POTEM: variants seen among roughly 807,000 people sequenced by gnomAD.
POTEM encodes POTE ankyrin domain family member M, also known as putative POTE ankyrin domain family member M.
For synonymous variants in POTEM, 8 were observed against 113.2 expected (o/e 0.07, Z 5.90); for missense variants, 24 against 343.0 (o/e 0.07, Z 7.35).
In POTEM at chr14:19,003,583, CA is replaced by C. The variant is rs1891430127; in HGVS notation, c.*4919del. On this transcript the variant is annotated 3_prime_UTR_variant, in exon 11 of 11. Transcript: ENST00000547889. ...CTGAGGTTGTGGAGCTTCTCCCCTG[CA>C]GAGAGTCCCTGATCTCCCAAAATTT... Among the ~76,000 whole-genome samples the C allele has an allele frequency of 7.0e-6, 1 of 142,610 alleles. No homozygotes were observed. Among genetic ancestry groups the C allele is most frequent in the Admixed American group, 7.2e-5 (1 of 13,916 alleles). 93.6% of individuals were successfully genotyped at this position (142,610 alleles called of 152,430 possible). A position where few individuals can be genotyped will look rare whatever the true frequency, so the allele number is the denominator to read the frequency against.
intron 1 of POTEM, among the ~76,000 whole-genome samples, chr14:18,969,266 CATATGCAGAT>C (rs1890840548): frequency 2.4e-5 from 3 of 126,226 alleles, no homozygotes; most frequent in Non-Finnish European, 4.8e-5. Flanking sequence ...TGCCTATTTA[CATATGCAGAT>C]ATATATACAC....
intron 7 of POTEM, among the ~76,000 whole-genome samples, chr14:18,985,876 C>G (rs1372679649): frequency 7.2e-6 from 1 of 139,348 alleles, no homozygotes; most frequent in East Asian, 2.0e-4. Flanking sequence ...TACGCTCCAG[C>G]CTGGGTGACA....
intron 1 of POTEM, among the ~76,000 whole-genome samples, chr14:18,969,357 G>GTC (rs1284654181): frequency 9.5e-6 from 1 of 105,368 alleles, no homozygotes; most frequent in South Asian, 3.1e-4. Flanking sequence ...ATATACATGT[G>GTC]TATATATATA....
rs1447961101 is a variant in POTEM, at chr14:18,980,083, GTTAC to G, written c.1068_1071del (p.Leu356PhefsTer10). Reference sequence around the variant, plus strand: ...ACAATTTTATACATAGAATTTGCCAGTTACTTTCTGACTACAAAGAAAAACAGAT... The same window carrying G: ...ACAATTTTATACATAGAATTTGCCAGTTTCTGACTACAAAGAAAAACAGAT... On this transcript the variant is annotated frameshift_variant, in exon 6 of 11. Transcript: ENST00000547889. LOFTEE classifies it high-confidence loss of function. 2.3e-6 allele frequency: 1 copy of G among 444,166 alleles called. No homozygotes were observed. Among genetic ancestry groups the G allele is most frequent in the African/African-American group, 6.4e-5 (1 of 15,566 alleles). 27.5% of individuals were successfully genotyped at this position (444,166 alleles called of 1,614,324 possible).
At chr14:18,996,420 G>C (rs1215951984) in intron 9 of POTEM, among the ~76,000 whole-genome samples, 1 of 137,232 alleles carries the variant, frequency 7.3e-6, no homozygotes, top group African/African-American at 2.9e-5. Flanking sequence ...TCCCTGGCCT[G>C]TTAGGACCTG....
In POTEM at chr14:19,000,151, A is replaced by AGGC. The variant is rs1157717651; in HGVS notation, c.*1488_*1490dup. ...CAGGATTTAAAAACTGGAATGGTGA[A>AGGC]GGCGAGAGCAGTTGGTTGGAGTGAG... is the stretch of plus-strand genomic sequence containing the variant. On this transcript the variant is annotated 3_prime_UTR_variant, in exon 11 of 11. Transcript: ENST00000547889. Among the ~76,000 whole-genome samples the AGGC allele has an allele frequency of 1.0e-5, 1 of 98,216 alleles. No individual in the cohort carries two copies. The highest frequency in any genetic ancestry group is 5.3e-5 in the African/African-American group (1 of 19,022). 64.4% of individuals were successfully genotyped at this position (98,216 alleles called of 152,430 possible).
At chr14:18,969,344 T>A (rs1231804532) in intron 1 of POTEM, among the ~76,000 whole-genome samples, 2 of 108,700 alleles carry the variant, frequency 1.8e-5, no homozygotes, top group African/African-American at 9.8e-5. Context: ...CGTATATACA[T>A]ATATATACAT....
At chr14:18,981,558 CAG>C (rs1291456501) in intron 6 of POTEM, among the ~76,000 whole-genome samples, 1 of 150,604 alleles carries the variant, frequency 6.6e-6, no homozygotes, top group Non-Finnish European at 1.5e-5. Flanking sequence ...GGTAAGCATG[CAG>C]AGAGAGAAGA....
intron 9 of POTEM, among the ~76,000 whole-genome samples, chr14:18,993,164 TG>T (rs1487359076): frequency 1.4e-5 from 1 of 69,388 alleles, no homozygotes; most frequent in East Asian, 3.2e-4. Context: ...CACAAAGTGC[TG>T]GGTGGATTAC....
intron 1 of POTEM, among the ~76,000 whole-genome samples, chr14:18,968,918 C>T (rs1890830860): frequency 6.8e-6 from 1 of 147,282 alleles, no homozygotes; most frequent in South Asian, 2.1e-4. Context: ...CACATGCTGT[C>T]TTTTATTATT....
intron 1 of POTEM, among the ~76,000 whole-genome samples, chr14:18,969,357 G>GTA (rs201392796): frequency 0.17 from 17,181 of 103,860 alleles, 859 homozygotes; most frequent in African/African-American, 0.25. Context: ...ATATACATGT[G>GTA]TATATATATA....
intron 5 of POTEM, among the ~76,000 whole-genome samples, chr14:18,979,729 A>ACATTGAG (rs1566539978): frequency 4.7e-5 from 7 of 149,488 alleles, no homozygotes; most frequent in African/African-American, 1.7e-4. Flanking sequence ...GTTGAAGAAG[A>ACATTGAG]CATTGAGCCT....
chr14:18,984,600 AC>A (rs1891142812), intron 6 of POTEM, among the ~76,000 whole-genome samples: 1 of 102,496 alleles, frequency 9.8e-6, no homozygotes. Flanking sequence ...GGAAGGAGAT[AC>A]CTGTTTATTT....
At chr14:18,993,535 CAG>C (rs1177277761) in intron 9 of POTEM, among the ~76,000 whole-genome samples, 1 of 4,148 alleles carries the variant, frequency 2.4e-4, no homozygotes, top group Middle Eastern at 0.038. Flanking sequence ...CAACTTTAAA[CAG>C]AAATTTTCTG....
At chr14:18,968,426 G>C (rs1890814914) in intron 1 of POTEM, among the ~76,000 whole-genome samples, 1 of 152,260 alleles carries the variant, frequency 6.6e-6, no homozygotes, top group Admixed American at 6.5e-5. Flanking sequence ...TTATATCAAT[G>C]TACACTATGT....
intron 1 of POTEM, among the ~76,000 whole-genome samples, chr14:18,968,509 G>A (rs1309596364): frequency 6.6e-6 from 1 of 151,982 alleles, no homozygotes; most frequent in African/African-American, 2.4e-5. Flanking sequence ...TGAATAGGAA[G>A]ATTGAATTTT....
In POTEM at chr14:19,003,722, C is replaced by CT. The variant is rs1284707664; in HGVS notation, c.*5060dup. Among the ~76,000 whole-genome samples, 21 of 73,186 alleles carry CT rather than the reference C, an allele frequency of 2.9e-4. No individual in the cohort carries two copies. The highest frequency in any genetic ancestry group is 1.4e-3 in the African/African-American group (19 of 13,918). 48.0% of individuals were successfully genotyped at this position (73,186 alleles called of 152,430 possible). ...CATGACGATGGAGAGCAGGCATCTC[C>CT]TTTCCTGAGTTTCAGCTTGCTTCTG... On this transcript the variant is annotated 3_prime_UTR_variant, in exon 11 of 11. Coordinates refer to ENST00000547889, the MANE Select transcript of POTEM (RefSeq NM_001145442.1).
chr14:18,991,228 G>T lies in POTEM; in HGVS notation c.1409+2807G>T, dbSNP rs1321983543. Reference sequence around the variant, plus strand: ...GTATATATGCTAGTGATTTCCAAATGCATGTCTCCAACTCAGATCTCACTC... The same window carrying T: ...GTATATATGCTAGTGATTTCCAAATTCATGTCTCCAACTCAGATCTCACTC... On this transcript the variant is annotated intron_variant, in intron 9 of 10. Coordinates refer to ENST00000547889, the MANE Select transcript of POTEM (RefSeq NM_001145442.1). 9.7e-5 allele frequency among the ~76,000 whole-genome samples: 11 copies of T among 112,908 alleles called. 1 individual carries two copies. The highest frequency in any genetic ancestry group is 3.1e-4 in the African/African-American group (11 of 35,240). 74.1% of individuals were successfully genotyped at this position (112,908 alleles called of 152,430 possible).
chr14:18,969,307 GTATATATA>G (rs376582358), intron 1 of POTEM, among the ~76,000 whole-genome samples: 7 of 79,494 alleles, frequency 8.8e-5, no homozygotes, highest in Middle Eastern at 0.017. Context: ...ATGTATATAC[GTATATATA>G]TGTATATATA....
Sources: gnomAD v4.1 joint callset for allele counts (sites outside exome capture counted in the v4.1 genomes callset) on GRCh38, gnomAD v4.1.1 for gene constraint, MANE v1.5 for transcripts, NCBI Gene and HGNC (gene_info 2026-07-23, HGNC 2026-07-21) for gene names.